PARD3B: variants seen among roughly 807,000 people sequenced by gnomAD.
PARD3B encodes the protein partitioning defective 3 homolog B.
Under a neutral mutation model 130.2 loss-of-function variants are expected in PARD3B, and 103 were observed. That is an observed-to-expected ratio of 0.79 (90% CI 0.67 to 0.93). The LOEUF (loss-of-function observed/expected upper bound fraction) is 0.93. PARD3B is among the 40% of genes least tolerant of loss of function. The pLI, the probability that PARD3B is intolerant of heterozygous loss-of-function variation, is 0.00. For synonymous variants in PARD3B, 583 were observed against 553.2 expected (o/e 1.05, Z -0.76); for missense variants, 1,609 against 1,499.2 (o/e 1.07, Z -1.21).
In PARD3B at chr2:205,366,510, G is replaced by C. The variant is rs909238636; in HGVS notation, c.2631-34503G>C. Among the ~76,000 whole-genome samples, 3 of 152,084 alleles carry C rather than the reference G, an allele frequency of 2.0e-5. No homozygotes were observed. The highest frequency in any genetic ancestry group is 7.2e-5 in the African/African-American group (3 of 41,406). On this transcript the variant is annotated intron_variant, in intron 18 of 22. Transcript: ENST00000406610. The surrounding 1 kb of genome is among the most constrained non-coding windows in gnomAD (Gnocchi z 5.0). ...GTAATTCACTGCATTTTACATGTGG[G>C]GACCCAGAGGAATAGAAATGTCACA...
chr2:205,601,774 G>A (rs1316150062), intron 22 of PARD3B, among the ~76,000 whole-genome samples: 1 of 151,828 alleles, frequency 6.6e-6, no homozygotes, highest in African/African-American at 2.4e-5. Flanking sequence ...CTAATTGCAT[G>A]AATCTTCTAG....
intron 2 of PARD3B, among the ~76,000 whole-genome samples, chr2:204,941,698 C>G (rs1213692837): frequency 2.6e-5 from 4 of 152,148 alleles, no homozygotes; most frequent in African/African-American, 9.7e-5. Context: ...CAGATATATT[C>G]TTACTTCAAT....
chr2:205,439,929 G>A (rs1362680427), intron 19 of PARD3B, among the ~76,000 whole-genome samples: 2 of 152,070 alleles, frequency 1.3e-5, no homozygotes, highest in Non-Finnish European at 2.9e-5. Flanking sequence ...GAATACACAG[G>A]AACTCTAGGG....
intron 3 of PARD3B, among the ~76,000 whole-genome samples, chr2:204,975,165 G>C (rs1448428065): frequency 1.3e-5 from 2 of 152,102 alleles, no homozygotes; most frequent in East Asian, 3.9e-4. Flanking sequence ...AGTATGTGAT[G>C]TTTCCCATAG....
At chr2:204,940,003 C>CT (rs1242015943) in intron 2 of PARD3B, among the ~76,000 whole-genome samples, 24 of 152,222 alleles carry the variant, frequency 1.6e-4, no homozygotes, top group African/African-American at 5.5e-4. Flanking sequence ...AAATATTGTA[C>CT]TTTGTTTCTG....
intron 2 of PARD3B, among the ~76,000 whole-genome samples, chr2:204,963,934 C>G (rs149868144): frequency 2.0e-5 from 3 of 152,020 alleles, no homozygotes; most frequent in Non-Finnish European, 2.9e-5. Flanking sequence ...TTTTGAATGG[C>G]GAATTTGCAT....
chr2:204,684,606 A>T (rs1332272114), intron 1 of PARD3B, among the ~76,000 whole-genome samples: 1 of 152,068 alleles, frequency 6.6e-6, no homozygotes, highest in African/African-American at 2.4e-5. Context: ...CCCTTTTTGA[A>T]ATCTGGCCTA....
At chr2:205,062,744 A>C (rs774789504) in intron 4 of PARD3B, among the ~76,000 whole-genome samples, 1 of 152,210 alleles carries the variant, frequency 6.6e-6, no homozygotes, top group Non-Finnish European at 1.5e-5. Flanking sequence ...TTTTAAAGGT[A>C]ATGTACAGTA....
At chr2:205,380,827 TAA>T (rs1269971748) in intron 18 of PARD3B, among the ~76,000 whole-genome samples, 15 of 92,476 alleles carry the variant, frequency 1.6e-4, no homozygotes, top group South Asian at 7.1e-4. Flanking sequence ...ATATATTATA[TAA>T]AGAATACATT....
At chr2:204,611,712 A>G (rs386466500) in intron 1 of PARD3B, among the ~76,000 whole-genome samples, 33 of 152,286 alleles carry the variant, frequency 2.2e-4, no homozygotes, top group Non-Finnish European at 3.4e-4. Flanking sequence ...ATATACATGT[A>G]TGGACTAATT....
chr2:204,626,274 C>T (rs1350471077), intron 1 of PARD3B, among the ~76,000 whole-genome samples: 1 of 152,134 alleles, frequency 6.6e-6, no homozygotes, highest in African/African-American at 2.4e-5. Context: ...GTGTGGTACT[C>T]TTTTCCCCTC....
intron 10 of PARD3B, among the ~76,000 whole-genome samples, chr2:205,131,702 TG>T (rs2032013890): frequency 1.3e-5 from 2 of 152,144 alleles, no homozygotes; most frequent in Admixed American, 1.3e-4. Flanking sequence ...CAGAGCCACA[TG>T]GGCAAAAGAA....
rs1266684676 is a variant in PARD3B, at chr2:204,675,837, ATTAT to A, written c.121-10343_121-10340del. ...AATAAGTAATATTATTAAAACTTAG[ATTAT>A]GAGATACTGTAGAAACAAATTCCCT... On this transcript the variant is annotated intron_variant, in intron 1 of 22. Transcript: ENST00000406610. This position sits in a 1 kb window ranked among gnomAD's most constrained non-coding sequence, Gnocchi z 4.4. Among the ~76,000 whole-genome samples the A allele has an allele frequency of 1.3e-5, 2 of 152,212 alleles. No homozygotes were observed. The highest frequency in any genetic ancestry group is 2.9e-5 in the Non-Finnish European group (2 of 68,030).
chr2:205,036,334 TA>T (rs1382843836), intron 3 of PARD3B, among the ~76,000 whole-genome samples: 3 of 146,370 alleles, frequency 2.0e-5, no homozygotes, highest in Admixed American at 1.4e-4. Flanking sequence ...GCTATATATA[TA>T]AAAATATATG....
chr2:205,559,414 G>A (rs373068423), intron 22 of PARD3B, among the ~76,000 whole-genome samples: 12 of 151,314 alleles, frequency 7.9e-5, no homozygotes, highest in Admixed American at 1.3e-4. Context: ...CCAAAGTGCC[G>A]GGATTATAGG....
rs915615578 is a variant in PARD3B, at chr2:204,967,207, G to A, written c.394+1884G>A. 2.0e-5 allele frequency among the ~76,000 whole-genome samples: 3 copies of A among 152,146 alleles called. No homozygotes were observed. The highest frequency in any genetic ancestry group is 7.2e-5 in the African/African-American group (3 of 41,422). On this transcript the variant is annotated intron_variant, in intron 3 of 22. Transcript: ENST00000406610. This position sits in a 1 kb window ranked among gnomAD's most constrained non-coding sequence, Gnocchi z 4.4. ...AAATGATGAGACTAGCTCACTGTTA[G>A]GTGGGAAACATTCCCTTCCAACCAT...
chr2:205,573,720 G>A (rs1467261856), intron 22 of PARD3B, among the ~76,000 whole-genome samples: 1 of 151,970 alleles, frequency 6.6e-6, no homozygotes, highest in East Asian at 1.9e-4. Flanking sequence ...ACTGGAAATA[G>A]TCATCTCTTT....
chr2:204,961,409 T>C (rs572841375), intron 2 of PARD3B, among the ~76,000 whole-genome samples: 13 of 152,172 alleles, frequency 8.5e-5, no homozygotes, highest in African/African-American at 2.9e-4. Flanking sequence ...TGCTACAAGG[T>C]GTTTGGCCTG....
chr2:204,917,183 G>A (rs2047478035), intron 2 of PARD3B, among the ~76,000 whole-genome samples: 1 of 152,170 alleles, frequency 6.6e-6, no homozygotes, highest in East Asian at 1.9e-4. Flanking sequence ...GAGCTAATGA[G>A]GAGTTGGTGG....
Sources: gnomAD v4.1 joint callset for allele counts (sites outside exome capture counted in the v4.1 genomes callset) on GRCh38, gnomAD v4.1.1 for gene constraint, Gnocchi (gnomAD v3.1) non-coding constraint, MANE v1.5 for transcripts, NCBI Gene and HGNC (gene_info 2026-07-23, HGNC 2026-07-21) for gene names.